The following MYLK2 variants were observed in gnomAD, a reference collection of about 807,000 sequenced individuals.
The protein encoded by MYLK2 is myosin light chain kinase 2, skeletal/cardiac muscle.
A neutral mutation model predicts 58.2 loss-of-function variants in MYLK2; 27 were observed. The ratio of observed to expected loss-of-function variants is 0.46; its 90% confidence interval spans 0.34 to 0.64. MYLK2 has a LOEUF of 0.64. Among genes scored for constraint, MYLK2 ranks in the 30% least tolerant of loss-of-function variants. MYLK2 has a pLI of 0.01. For missense variants in MYLK2, 676 were observed against 764.3 expected, an observed-to-expected ratio of 0.88 and a Z score of 1.36; for synonymous variants, 310 against 296.7, an observed-to-expected ratio of 1.04 and a Z score of -0.46.
Position 31,831,985 on chromosome 20 carries a change from C to A in MYLK2, c.1578-19C>A. 6.2e-7 allele frequency: 1 copy of A among 1,611,864 alleles called. No homozygotes were observed. Among genetic ancestry groups the A allele is most frequent in the Non-Finnish European group, 8.5e-7 (1 of 1,179,074 alleles). On this transcript the variant is annotated intron_variant, in intron 11 of 12. Coordinates refer to ENST00000375985, the MANE Select transcript of MYLK2 (RefSeq NM_033118.4). ...TCACGAGCATGCAGCCCACCGTCAC[C>A]ATGCTGCCTCTCCCCCAGGGCCCGG...
chr20:31,823,943 T>TG (rs2062265421), intron 5 of MYLK2: 7 of 985,198 alleles, frequency 7.1e-6, no homozygotes, highest in Non-Finnish European at 8.4e-6. Context: ...TGCCTGAAGG[T>TG]GCCCTCCCCC....
At position 31,820,346 on chromosome 20, in the gene MYLK2, T is replaced by C. The variant is rs746127693; in HGVS notation, c.273T>C (p.Ala91=). ...DRGGGPAEGS[A]GPPAALPQQT... Reference sequence around the variant, plus strand: ...GCGGGGGGCCCGCGGAGGGCAGTGCTGGGCCCCCGGCAGCCCTGCCCCAGC... The same window carrying C: ...GCGGGGGGCCCGCGGAGGGCAGTGCCGGGCCCCCGGCAGCCCTGCCCCAGC... The change falls in exon 3 of 13, where the codon GCT becomes GCC. Residue 91 remains alanine, a synonymous_variant. Coordinates refer to ENST00000375985, the MANE Select transcript of MYLK2 (RefSeq NM_033118.4). 1 of 1,612,804 alleles carries C rather than the reference T, an allele frequency of 6.2e-7. No homozygotes were observed.
chr20:31,827,234 C>A (rs965220967), intron 8 of MYLK2: 262 of 985,308 alleles, frequency 2.7e-4, no homozygotes, highest in Non-Finnish European at 3.0e-4. Context: ...GAGCCCCAAG[C>A]TCAGTGTGTC....
chr20:31,826,022 G>A (rs773723840), intron 6 of MYLK2, among the ~76,000 whole-genome samples: 1 of 152,124 alleles, frequency 6.6e-6, no homozygotes, highest in African/African-American at 2.4e-5. Flanking sequence ...GTGTGAGGGC[G>A]CGAGAGTAAG....
chr20:31,828,178 G>A (rs1034817381), intron 8 of MYLK2: 16 of 985,198 alleles, frequency 1.6e-5, no homozygotes, highest in Non-Finnish European at 1.9e-5. Context: ...GTGAGCCACC[G>A]TGCCTGGCCA....
At chr20:31,819,988 C>G (rs2062243182) in intron 2 of MYLK2, 138 bp from the exon 3 acceptor site, 3 of 1,140,098 alleles carry the variant, frequency 2.6e-6, no homozygotes, top group Non-Finnish European at 3.9e-6. Flanking sequence ...ATCAAGTGGC[C>G]CCAGAGACTC....
chr20:31,819,698 G>A (rs2062241914), intron 2 of MYLK2, 66 bp downstream of exon 2: 20 of 1,533,648 alleles, frequency 1.3e-5, no homozygotes, highest in Non-Finnish European at 1.8e-5. Flanking sequence ...CCAGGACTGG[G>A]CAGGTTCCTC....
intron 4 of MYLK2, 62 bp from the exon 5 acceptor site, chr20:31,823,415 T>G: frequency 1.4e-6 from 2 of 1,476,558 alleles, no homozygotes; most frequent in Non-Finnish European, 1.9e-6. Context: ...GGAGGGGTGG[T>G]GCCAAGGGGA....
intron 8 of MYLK2, among the ~76,000 whole-genome samples, chr20:31,829,252 AC>A (rs776380179): frequency 4.6e-5 from 7 of 152,056 alleles, no homozygotes; most frequent in Non-Finnish European, 1.0e-4. Flanking sequence ...GGATAATAAT[AC>A]GTTTTTTGTC....
In MYLK2 at chr20:31,829,918, G is replaced by C. The variant is rs139967058; in HGVS notation, c.1225-901G>C. Among the ~76,000 whole-genome samples the C allele has an allele frequency of 2.0e-5, 3 of 152,308 alleles. No individual in the cohort carries two copies. In the East Asian group the frequency reaches 5.8e-4, roughly 29 times the overall value. ...GTGTTAACTTGGCTGAGCCCCTACT[G>C]GGTGCCTTTGTTAGACCCTGAGGGT... On this transcript the variant is annotated intron_variant, in intron 8 of 12. Coordinates refer to ENST00000375985, the MANE Select transcript of MYLK2 (RefSeq NM_033118.4).
chr20:31,831,077 G>A lies in MYLK2; in HGVS notation c.1360G>A (p.Val454Met). The change falls in exon 10 of 13, where the codon GTG (valine) becomes ATG (methionine). Residue 454 changes from valine to methionine, a missense_variant. Val to Met is a conservative substitution (Grantham distance 21). Transcript: ENST00000375985. The stretch of plus-strand genomic sequence containing the variant: ...CCCAGAGTTCCTGTCACCTGAGGTG[G>A]TGAATTATGACCAAATCTCCGATAA... ...GTPEFLSPEV[V>M]NYDQISDKTD... 3 of 1,614,154 alleles carry A rather than the reference G, an allele frequency of 1.9e-6. No homozygotes were observed. Among genetic ancestry groups the A allele is most frequent in the Non-Finnish European group, 2.5e-6 (3 of 1,180,018 alleles).
chr20:31,820,113 ACCT>A lies in MYLK2; in HGVS notation c.53-8_53-6del. On this transcript the variant is annotated splice_polypyrimidine_tract_variant and intron_variant, in intron 2 of 12. Coordinates refer to ENST00000375985, the MANE Select transcript of MYLK2 (RefSeq NM_033118.4). ...GAGGGTGGATCCTGATGGGTGTCTC[ACCT>A]CCTCTGCAGACAAGGCACCTAAAGG... is the stretch of plus-strand genomic sequence containing the variant. 6.2e-7 allele frequency: 1 copy of A among 1,613,274 alleles called. No individual in the cohort carries two copies.
In MYLK2 at chr20:31,824,277, C is replaced by T. The variant is rs1321354953; in HGVS notation, c.897C>T (p.Val299=). ...TTTCCAGTGGCAAGTTTGGGGCAGT[C>T]TGTACCTGCATGGAGAAAGCCACAG... The part of the protein sequence containing the change: ...EALGGGKFGA[V]CTCMEKATGL... The change falls in exon 6 of 13, where the codon GTC becomes GTT. Residue 299 remains valine (V), a synonymous_variant. Coordinates refer to ENST00000375985, the MANE Select transcript of MYLK2 (RefSeq NM_033118.4). The T allele has an allele frequency of 6.2e-7, 1 of 1,613,570 alleles. No individual in the cohort carries two copies. Among genetic ancestry groups the T allele is most frequent in the Non-Finnish European group, 8.5e-7 (1 of 1,179,836 alleles).
In MYLK2 at chr20:31,821,542, G is replaced by T. The variant is rs1228303561; in HGVS notation, c.577G>T (p.Ala193Ser). 6.2e-6 allele frequency: 10 copies of T among 1,613,976 alleles called. No homozygotes were observed. The highest frequency in any genetic ancestry group is 8.5e-6 in the Non-Finnish European group (10 of 1,180,058). Residue 193 changes from alanine to serine, a missense_variant, in exon 4 of 13, where the codon GCA becomes TCA. Transcript: ENST00000375985. Reference sequence around the variant, plus strand: ...CCCCACGGATCCCAGGCCAGCCAAGGCAGAAGAAGGAAAGAACATCCTGGC... The same window carrying T: ...CCCCACGGATCCCAGGCCAGCCAAGTCAGAAGAAGGAAAGAACATCCTGGC... ...HSPTDPRPAK[A>S]EEGKNILAES...
intron 8 of MYLK2, chr20:31,827,323 T>C: frequency 2.0e-6 from 2 of 985,280 alleles, no homozygotes; most frequent in Non-Finnish European, 2.4e-6. Context: ...GAGTGTCTGA[T>C]CATTTATTCA....
intron 3 of MYLK2, 27 bp downstream of exon 3, chr20:31,820,573 A>AG (rs754689901): frequency 1.9e-6 from 3 of 1,598,378 alleles, no homozygotes; most frequent in Non-Finnish European, 2.5e-6. Context: ...GGGAGTGGGG[A>AG]GGGGTCCTGT....
At chr20:31,827,241 T>G in intron 8 of MYLK2, 1 of 985,458 alleles carries the variant, frequency 1.0e-6, no homozygotes, top group Non-Finnish European at 1.2e-6. Context: ...AAGCTCAGTG[T>G]GTCACACAGA....
intron 8 of MYLK2, 74 bp downstream of exon 8, chr20:31,827,012 A>T: frequency 6.2e-7 from 1 of 1,601,880 alleles, no homozygotes; most frequent in South Asian, 1.1e-5. Context: ...GTCACCAGCC[A>T]TCCCTCTGCC....
intron 8 of MYLK2, 87 bp from the exon 9 acceptor site, chr20:31,830,732 C>T: frequency 7.1e-7 from 1 of 1,411,468 alleles, no homozygotes; most frequent in South Asian, 1.2e-5. Context: ...GCCTCTGCCT[C>T]AAGGAGCCTG....
Sources: allele counts gnomAD v4.1 joint callset (sites outside exome capture counted in the v4.1 genomes callset), GRCh38; gene constraint gnomAD v4.1.1; transcripts MANE v1.5; gene names NCBI Gene and HGNC (gene_info 2026-07-23, HGNC 2026-07-21).